HACE1: variants seen among roughly 807,000 people sequenced by gnomAD.
HACE1 encodes the protein E3 ubiquitin-protein ligase HACE1.
A neutral mutation model predicts 118.4 loss-of-function variants in HACE1; 73 were observed. The observed-to-expected ratio is 0.62, with a 90% confidence interval of 0.51 to 0.75. The LOEUF is 0.75. Ranked by LOEUF, HACE1 falls within the 30% of genes least tolerant of loss-of-function variation. HACE1 has a pLI of 0.00. For missense variants in HACE1, 749 were observed against 1,102.2 expected (o/e 0.68, Z 4.54); for synonymous variants, 368 against 374.8 (o/e 0.98, Z 0.21).
intron 19 of HACE1, among the ~76,000 whole-genome samples, chr6:104,763,124 T>C (rs1239211223): frequency 1.3e-5 from 2 of 151,926 alleles, no homozygotes; most frequent in East Asian, 1.9e-4. Context: ...TTCTAGAATA[T>C]ACTATCTAAA....
intron 1 of HACE1, among the ~76,000 whole-genome samples, chr6:104,855,977 G>C (rs1343770451): frequency 6.6e-6 from 1 of 152,116 alleles, no homozygotes; most frequent in Non-Finnish European, 1.5e-5. Context: ...AAAAAAGTAG[G>C]TCACATACAT....
At chr6:104,831,651 T>C (rs967443954) in intron 6 of HACE1, among the ~76,000 whole-genome samples, 2 of 150,622 alleles carry the variant, frequency 1.3e-5, no homozygotes, top group African/African-American at 4.9e-5. Flanking sequence ...CCCAGCATTT[T>C]AGGAGGCCGA....
Position 104,800,396 on chromosome 6 carries a change from G to A in HACE1, c.618-3371C>T, listed in dbSNP as rs572642099. Among the ~76,000 whole-genome samples, 23 of 152,286 alleles carry A rather than the reference G, an allele frequency of 1.5e-4. 1 individual carries two copies. Among genetic ancestry groups the A allele is most frequent in the Admixed American group, 8.5e-4 (13 of 15,294 alleles). ...ACCACAGCCTTTGAGCTCTGAGAACGGACAGACTGCCTCCTCAAGTGGGTC... is the reference window on the plus strand; with the variant it reads ...ACCACAGCCTTTGAGCTCTGAGAACAGACAGACTGCCTCCTCAAGTGGGTC... On this transcript the variant is annotated intron_variant, in intron 7 of 23. Coordinates refer to ENST00000262903, the MANE Select transcript of HACE1 (RefSeq NM_020771.4).
chr6:104,762,989 CAAA>C (rs56232124), intron 19 of HACE1, among the ~76,000 whole-genome samples: 1 of 32,256 alleles, frequency 3.1e-5, no homozygotes, highest in African/African-American at 1.2e-4. Context: ...GACTCCATCT[CAAA>C]AAAAAAAAAA....
chr6:104,740,165 G>T (rs1479528516), intron 22 of HACE1, among the ~76,000 whole-genome samples: 2 of 145,130 alleles, frequency 1.4e-5, no homozygotes, highest in East Asian at 3.9e-4. Flanking sequence ...TGCATTCAAA[G>T]CAGTGTGTAG....
chr6:104,744,471 G>T (rs546840499), intron 21 of HACE1, 41 bp downstream of exon 21: 2 of 1,127,666 alleles, frequency 1.8e-6, no homozygotes, highest in South Asian at 1.2e-5. Context: ...AAAATTAAAC[G>T]GCAAAACTTA....
In HACE1 at chr6:104,791,612, C is replaced by G. The variant is rs749916941; in HGVS notation, c.966G>C (p.Arg322Ser). 6.2e-7 allele frequency: 1 copy of G among 1,611,544 alleles called. No homozygotes were observed. Among genetic ancestry groups the G allele is most frequent in the African/African-American group, 1.3e-5 (1 of 74,978 alleles). The change falls in exon 11 of 24, where the codon AGG becomes AGC. Residue 322 changes from arginine (R) to serine (S), a missense_variant. Around this residue, in one of 5 missense-constraint regions of HACE1, gnomAD observed 267 missense variants for 312.2 expected, o/e 0.86. Transcript: ENST00000262903. Reference protein sequence around the residue: ...NYDAQMKSLLRIVRMFCHVFR... With the variant: ...NYDAQMKSLLSIVRMFCHVFR... ...AGACGTGACAAAACATTCTCACAAT[C>G]CTTAAAAGGCTCTTCATTTGAGCAT...
At chr6:104,843,489 ACT>A (rs553201456) in intron 4 of HACE1, among the ~76,000 whole-genome samples, 191 bp from the exon 5 acceptor site, 23 of 152,344 alleles carry the variant, frequency 1.5e-4, no homozygotes, top group African/African-American at 5.5e-4. Context: ...TGCTTCTATG[ACT>A]CAAAGATAAC....
chr6:104,782,615 A>G (rs1046953069), intron 14 of HACE1, among the ~76,000 whole-genome samples: 6 of 152,246 alleles, frequency 3.9e-5, no homozygotes, highest in East Asian at 1.9e-4. Flanking sequence ...TACAAAAAAA[A>G]GAGTAGCCAT....
chr6:104,800,297 A>G (rs1237043998), intron 7 of HACE1, among the ~76,000 whole-genome samples: 2 of 152,198 alleles, frequency 1.3e-5, no homozygotes, highest in African/African-American at 2.4e-5. Flanking sequence ...CATAGCTGAA[A>G]AAAAGGCAGC....
chr6:104,754,175 A>C (rs1778366764), intron 19 of HACE1, among the ~76,000 whole-genome samples: 1 of 149,654 alleles, frequency 6.7e-6, no homozygotes, highest in Non-Finnish European at 1.5e-5. Context: ...AAGACTGTCC[A>C]AAATAAGACA....
At chr6:104,851,847 C>G (rs1419370310) in intron 2 of HACE1, among the ~76,000 whole-genome samples, 1 of 152,048 alleles carries the variant, frequency 6.6e-6, no homozygotes. Context: ...TGTAAAGACC[C>G]CCTCACAAAG....
rs527556569 is a variant in HACE1 at position 104,814,477 on chromosome 6, T to C, written c.535-3084A>G. ...GTTATAAATAAAAAACATGTTTAAC[T>C]ATTTTATAAGATTTTTTAAATTATC... On this transcript the variant is annotated intron_variant, in intron 6 of 23. Transcript: ENST00000262903. 5.0e-5 allele frequency among the ~76,000 whole-genome samples: 7 copies of C among 139,042 alleles called. 2 individuals carry two copies. In the South Asian group the frequency reaches 1.5e-3, roughly 31 times the overall value. The allele number at this position is 139,042 out of a possible 152,430, so 91.2% of individuals were successfully genotyped here. A position where few individuals can be genotyped will look rare whatever the true frequency, so the allele number is the denominator to read the frequency against.
intron 22 of HACE1, among the ~76,000 whole-genome samples, chr6:104,737,406 A>G (rs1345622608): frequency 6.6e-6 from 1 of 151,368 alleles, no homozygotes; most frequent in Non-Finnish European, 1.5e-5. Context: ...CTGCATTTCC[A>G]TCTGAGGTAC....
intron 6 of HACE1, among the ~76,000 whole-genome samples, chr6:104,820,012 T>C (rs946505902): frequency 6.6e-6 from 1 of 151,646 alleles, no homozygotes; most frequent in African/African-American, 2.4e-5. Context: ...CTGACCAACA[T>C]GGCAAAACCC....
intron 19 of HACE1, among the ~76,000 whole-genome samples, chr6:104,770,404 A>G (rs1035760116): frequency 6.6e-6 from 1 of 152,180 alleles, no homozygotes; most frequent in Admixed American, 6.5e-5. Context: ...TAAATAATAC[A>G]TATAGAGGAG....
intron 6 of HACE1, among the ~76,000 whole-genome samples, chr6:104,825,193 G>A (rs1219849408): frequency 1.3e-5 from 2 of 152,120 alleles, no homozygotes; most frequent in East Asian, 3.9e-4. Context: ...TCTGCAGTCA[G>A]GGAACCTAAG....
chr6:104,755,520 A>T (rs1365488667), intron 19 of HACE1, among the ~76,000 whole-genome samples: 1 of 152,246 alleles, frequency 6.6e-6, no homozygotes, highest in East Asian at 1.9e-4. Context: ...AATTGATCAC[A>T]TAATCAGAAG....
intron 17 of HACE1, among the ~76,000 whole-genome samples, chr6:104,775,588 T>G (rs1246649703): frequency 1.3e-5 from 2 of 152,066 alleles, no homozygotes. Context: ...CTTCAAAGAT[T>G]AGGCCTAAAT....
Sources: allele counts gnomAD v4.1 joint callset (sites outside exome capture counted in the v4.1 genomes callset), GRCh38; gene constraint gnomAD v4.1.1; regional missense constraint gnomAD v4.1.1; transcripts MANE v1.5; gene names NCBI Gene and HGNC (gene_info 2026-07-23, HGNC 2026-07-21).